Variants in OR13A1 observed in about 807,000 individuals in gnomAD.
The protein encoded by OR13A1 is olfactory receptor 13A1.
In OR13A1, 10 loss-of-function variants were observed where a neutral mutation model predicts 7.5. The ratio of observed to expected loss-of-function variants is 1.34; its 90% confidence interval spans 0.83 to 2.27. OR13A1 has a LOEUF of 2.27. Ranked by LOEUF, OR13A1 falls within the 30% of genes most tolerant of loss-of-function variation. The pLI is 0.00. For synonymous variants in OR13A1, 238 were observed against 177.9 expected, an observed-to-expected ratio of 1.34 and a Z score of -2.69; for missense variants, 509 against 419.1, an observed-to-expected ratio of 1.21 and a Z score of -1.87.
intron 1 of OR13A1, among the ~76,000 whole-genome samples, chr10:45,312,004 G>T (rs1838455963): frequency 6.6e-6 from 1 of 151,938 alleles, no homozygotes; most frequent in Non-Finnish European, 1.5e-5. Flanking sequence ...GATTAACAGT[G>T]GATTAGACAT....
intron 1 of OR13A1, among the ~76,000 whole-genome samples, chr10:45,309,305 A>C (rs1378714632): frequency 1.3e-5 from 2 of 152,056 alleles, no homozygotes; most frequent in Admixed American, 1.3e-4. Context: ...TCTCTGTATA[A>C]ACCACTCTTT....
chr10:45,308,174 A>G (rs1838374622), intron 1 of OR13A1, among the ~76,000 whole-genome samples: 1 of 152,248 alleles, frequency 6.6e-6, no homozygotes, highest in South Asian at 2.1e-4. Context: ...ACAGAAAACT[A>G]AAAATCAGAA....
chr10:45,304,880 A>G (rs949951901), intron 3 of OR13A1, among the ~76,000 whole-genome samples: 2 of 152,138 alleles, frequency 1.3e-5, no homozygotes, highest in African/African-American at 4.8e-5. Flanking sequence ...AACAATCTAT[A>G]CCCTTAAACG....
rs759712680 is a variant in OR13A1 at position 45,305,310 on chromosome 10, T to TA, written c.-12-877_-12-876insT. On this transcript the variant is annotated intron_variant, in intron 3 of 3. Coordinates refer to ENST00000553795, the MANE Select transcript of OR13A1 (RefSeq NM_001004297.3). ...TAATGTGTACAATAGGATCTCATTT[T>TA]TAAAAAAAAAATTAAAAAAGCAGAT... Among the ~76,000 whole-genome samples the TA allele has an allele frequency of 1.4e-4, 22 of 152,014 alleles. No homozygotes were observed. In the South Asian group the frequency reaches 3.5e-3, roughly 24 times the overall value.
intron 1 of OR13A1, among the ~76,000 whole-genome samples, chr10:45,311,074 A>C (rs1838435229): frequency 6.6e-6 from 1 of 152,160 alleles, no homozygotes; most frequent in Admixed American, 6.5e-5. Flanking sequence ...ACTTGGAAAA[A>C]CTTAGGGATC....
At chr10:45,314,819 C>T (rs1426790614) in intron 1 of OR13A1, among the ~76,000 whole-genome samples, 2 of 152,044 alleles carry the variant, frequency 1.3e-5, no homozygotes, top group Non-Finnish European at 2.9e-5. Context: ...TTTAGAAGTG[C>T]ATAAATTTCT....
chr10:45,304,722 G>A (rs1168135391), intron 3 of OR13A1, among the ~76,000 whole-genome samples: 2 of 152,288 alleles, frequency 1.3e-5, no homozygotes, highest in South Asian at 4.2e-4. Flanking sequence ...ATATTAACTA[G>A]CATTAGAATG....
intron 3 of OR13A1, among the ~76,000 whole-genome samples, chr10:45,304,994 G>T (rs1391580461): frequency 2.0e-5 from 3 of 152,134 alleles, no homozygotes; most frequent in Non-Finnish European, 4.4e-5. Flanking sequence ...ACTTTGGGAG[G>T]CCGAGGCAGG....
intron 1 of OR13A1, among the ~76,000 whole-genome samples, chr10:45,314,812 A>G (rs1838497442): frequency 6.6e-6 from 1 of 152,238 alleles, no homozygotes; most frequent in Non-Finnish European, 1.5e-5. Context: ...TGGATAATTT[A>G]GAAGTGCATA....
intron 3 of OR13A1, among the ~76,000 whole-genome samples, chr10:45,305,820 G>A (rs1838316712): frequency 6.6e-6 from 1 of 152,018 alleles, no homozygotes; most frequent in Non-Finnish European, 1.5e-5. Flanking sequence ...CCTTCCCTGG[G>A]GAGAAAGTAC....
chr10:45,309,883 C>T (rs1838408170), intron 1 of OR13A1, among the ~76,000 whole-genome samples: 1 of 152,140 alleles, frequency 6.6e-6, no homozygotes, highest in Admixed American at 6.5e-5. Flanking sequence ...TAAATAGCTG[C>T]AGAAACTTGT....
intron 1 of OR13A1, among the ~76,000 whole-genome samples, chr10:45,311,056 G>C (rs1838434720): frequency 6.6e-6 from 1 of 152,184 alleles, no homozygotes; most frequent in Non-Finnish European, 1.5e-5. Flanking sequence ...CCAAGGAAAT[G>C]CTTGGAAACT....
chr10:45,312,758 G>A (rs1477149662), intron 1 of OR13A1, among the ~76,000 whole-genome samples: 1 of 152,014 alleles, frequency 6.6e-6, no homozygotes, highest in Non-Finnish European at 1.5e-5. Context: ...CAGAAGGCAG[G>A]GGGATAATAT....
chr10:45,309,185 C>T (rs571171490), intron 1 of OR13A1, among the ~76,000 whole-genome samples: 1 of 152,252 alleles, frequency 6.6e-6, no homozygotes, highest in Admixed American at 6.5e-5. Flanking sequence ...GGCTCAGGTG[C>T]TCAGAACGTG....
chr10:45,308,425 C>A (rs1838379730), intron 1 of OR13A1, among the ~76,000 whole-genome samples: 1 of 152,096 alleles, frequency 6.6e-6, no homozygotes, highest in African/African-American at 2.4e-5. Context: ...AAAGAAAAGC[C>A]ATGAAAAAGA....
chr10:45,307,854 A>G (rs1227136880), intron 1 of OR13A1, 46 bp from the exon 2 acceptor site: 2 of 152,246 alleles, frequency 1.3e-5, no homozygotes, highest in Non-Finnish European at 2.9e-5. Flanking sequence ...ATCACTTTAA[A>G]GAAATAACAA....
intron 3 of OR13A1, among the ~76,000 whole-genome samples, chr10:45,306,558 T>C (rs1330668745): frequency 6.6e-6 from 1 of 152,240 alleles, no homozygotes; most frequent in African/African-American, 2.4e-5. Context: ...TTAAATATGT[T>C]CATTTTAATT....
At chr10:45,313,644 T>A (rs73281142) in intron 1 of OR13A1, among the ~76,000 whole-genome samples, 2,348 of 151,858 alleles carry the variant, frequency 0.015, 58 homozygotes, top group African/African-American at 0.054. Flanking sequence ...CAAAATAGAC[T>A]TAAAGTCAAA....
chr10:45,310,237 T>G (rs984955), intron 1 of OR13A1, among the ~76,000 whole-genome samples: 3 of 151,974 alleles, frequency 2.0e-5, no homozygotes, highest in African/African-American at 7.3e-5. Flanking sequence ...CCTAAATATA[T>G]AGTGGCTTCA....
Sources: gnomAD v4.1 joint callset for allele counts (sites outside exome capture counted in the v4.1 genomes callset) on GRCh38, gnomAD v4.1.1 for gene constraint, MANE v1.5 for transcripts, NCBI Gene and HGNC (gene_info 2026-07-23, HGNC 2026-07-21) for gene names.